VEPH1: variants seen among roughly 807,000 people sequenced by gnomAD.
The protein encoded by VEPH1 is ventricular zone-expressed PH domain-containing protein homolog 1.
VEPH1 carries 80 observed loss-of-function variants against 85.2 expected under a neutral mutation model. The ratio of observed to expected loss-of-function variants is 0.94; its 90% CI spans 0.78 to 1.13. The LOEUF is 1.13. VEPH1 is among the 50% of genes most tolerant of loss of function. VEPH1 has a pLI of 0.00. For synonymous variants in VEPH1, 297 were observed against 348.0 expected (o/e 0.85, Z 1.63); for missense variants, 955 against 980.5 (o/e 0.97, Z 0.35).
At chr3:157,355,961 G>A (rs1470397614) in intron 9 of VEPH1, among the ~76,000 whole-genome samples, 3 of 149,906 alleles carry the variant, frequency 2.0e-5, no homozygotes, top group South Asian at 4.2e-4. Context: ...GGGCAGTGGT[G>A]CAGTCACCGC....
intron 2 of VEPH1, among the ~76,000 whole-genome samples, chr3:157,479,897 T>A (rs1737854951): frequency 6.6e-6 from 1 of 152,356 alleles, no homozygotes; most frequent in South Asian, 2.1e-4. Flanking sequence ...GCTATTATTT[T>A]TATTTCCCTT....
At chr3:157,292,484 G>A (rs1034250890) in intron 11 of VEPH1, among the ~76,000 whole-genome samples, 5 of 152,028 alleles carry the variant, frequency 3.3e-5, no homozygotes, top group Admixed American at 1.3e-4. Context: ...TTGAGGTCAG[G>A]AGTTGGAGAC....
rs951958879 is a variant in VEPH1 at position 157,373,993 on chromosome 3, C to T, written c.1127+7163G>A. ...ATAACAATGTCTCCTACCTACATCT[C>T]GTGCTGATAGATGAATTCCTGAAAT... is the stretch of plus-strand genomic sequence containing the variant. On this transcript the variant is annotated intron_variant, in intron 7 of 13. Transcript: ENST00000362010. Among the ~76,000 whole-genome samples, 4 of 152,150 alleles carry T rather than the reference C, an allele frequency of 2.6e-5. 1 individual carries two copies. The South Asian group carries it at 8.3e-4, about 32-fold the overall frequency.
chr3:157,338,640 A>T lies in VEPH1; in HGVS notation c.1736-21439T>A, dbSNP rs144628325. On this transcript the variant is annotated intron_variant, in intron 9 of 13. Transcript: ENST00000362010. ...TCTTTTTCAATGCTGAGATTCAGAT[A>T]TCATTTATTTGTGGCAGTCTCTGTG... Among the ~76,000 whole-genome samples the T allele has an allele frequency of 9.8e-5, 15 of 152,324 alleles. No individual in the cohort carries two copies. The East Asian group carries it at 2.9e-3, about 29-fold the overall frequency.
intron 9 of VEPH1, among the ~76,000 whole-genome samples, chr3:157,344,374 T>C (rs1320673115): frequency 2.0e-5 from 3 of 152,324 alleles, no homozygotes; most frequent in Admixed American, 6.5e-5. Flanking sequence ...AGCATTCTTA[T>C]ACACCAATAA....
chr3:157,493,089 G>A (rs1739360748), intron 2 of VEPH1: 1 of 354,208 alleles, frequency 2.8e-6, no homozygotes. Flanking sequence ...CTCATGAGTA[G>A]GGAACCTTGA....
At position 157,278,205 on chromosome 3, in the gene VEPH1, A is replaced by G. The variant is rs531974246; in HGVS notation, c.2128+8352T>C. Among the ~76,000 whole-genome samples the G allele has an allele frequency of 2.6e-4, 40 of 152,334 alleles. No individual in the cohort carries two copies. The South Asian group carries it at 7.0e-3, about 27-fold the overall frequency. On this transcript the variant is annotated intron_variant, in intron 12 of 13. Coordinates refer to ENST00000362010, the MANE Select transcript of VEPH1 (RefSeq NM_001167912.2). ...TTTGGGGTGCTTTGAGGACCTCAGT[A>G]TGCATCGGGGGGTTACAAAAGGCTT...
Position 157,428,456 on chromosome 3 carries a change from C to T in VEPH1, c.562G>A (p.Val188Met). 6.2e-7 allele frequency: 1 copy of T among 1,613,994 alleles called. No individual in the cohort carries two copies. Among genetic ancestry groups the T allele is most frequent in the Non-Finnish European group, 8.5e-7 (1 of 1,179,992 alleles). ...ATTGGCTGAGGCTGCTTTTCATACA[C>T]AGCAGGTAACACTCTCAACAACATG... is the stretch of plus-strand genomic sequence containing the variant. ...NTMLLRVLPA[V>M]YEKQPQPINR... The change falls in exon 5 of 14, where the codon GTG (valine) becomes ATG (methionine). Residue 188 changes from valine to methionine, a missense_variant. Coordinates refer to ENST00000362010, the MANE Select transcript of VEPH1 (RefSeq NM_001167912.2).
intron 2 of VEPH1, chr3:157,493,175 T>G: frequency 2.3e-6 from 1 of 441,878 alleles, no homozygotes; most frequent in Non-Finnish European, 4.5e-6. Flanking sequence ...GGTAAAAATA[T>G]TAGAAACCCA....
intron 4 of VEPH1, among the ~76,000 whole-genome samples, chr3:157,445,871 G>A (rs781735755): frequency 2.0e-5 from 3 of 151,914 alleles, no homozygotes; most frequent in Non-Finnish European, 4.4e-5. Context: ...ACCTAAACTT[G>A]GAAAATGCAT....
chr3:157,445,086 C>T (rs1734438479), intron 4 of VEPH1, among the ~76,000 whole-genome samples: 1 of 152,166 alleles, frequency 6.6e-6, no homozygotes, highest in Non-Finnish European at 1.5e-5. Flanking sequence ...TTCTTTTCCT[C>T]CTTCTGTCTG....
At chr3:157,392,520 G>A (rs1211825577) in intron 6 of VEPH1, among the ~76,000 whole-genome samples, 1 of 152,096 alleles carries the variant, frequency 6.6e-6, no homozygotes, top group African/African-American at 2.4e-5. Context: ...TCTACATCAG[G>A]GGTGTACAAT....
In VEPH1 at chr3:157,333,937, T is replaced by C. The variant is rs538617565; in HGVS notation, c.1736-16736A>G. The stretch of plus-strand genomic sequence containing the variant: ...CATTGCTCTCTCTGGTTGGCAGTTC[T>C]GAACTAAGACCTTCTGGGCTGGCCA... On this transcript the variant is annotated intron_variant, in intron 9 of 13. Coordinates refer to ENST00000362010, the MANE Select transcript of VEPH1 (RefSeq NM_001167912.2). Among the ~76,000 whole-genome samples, 7 of 152,320 alleles carry C rather than the reference T, an allele frequency of 4.6e-5. No individual in the cohort carries two copies. In the South Asian group the frequency reaches 1.5e-3, roughly 32 times the overall value.
intron 11 of VEPH1, 37 bp downstream of exon 11, chr3:157,313,584 C>T (rs1344505404): frequency 1.2e-6 from 2 of 1,604,682 alleles, no homozygotes; most frequent in Non-Finnish European, 1.7e-6. Context: ...AATCTTAAAT[C>T]TTGGCCTGTA....
intron 2 of VEPH1, among the ~76,000 whole-genome samples, chr3:157,492,861 T>G (rs1287013684): frequency 2.0e-5 from 3 of 152,026 alleles, no homozygotes; most frequent in Non-Finnish European, 2.9e-5. Context: ...AAGGAGAAAG[T>G]GAAGTACCAG....
chr3:157,393,159 C>G (rs994499702), intron 6 of VEPH1, among the ~76,000 whole-genome samples: 1 of 152,014 alleles, frequency 6.6e-6, no homozygotes, highest in African/African-American at 2.4e-5. Context: ...GTTTATGGGA[C>G]CAATTCAAAT....
chr3:157,278,319 A>G (rs1223291297), intron 12 of VEPH1, among the ~76,000 whole-genome samples: 1 of 152,244 alleles, frequency 6.6e-6, no homozygotes, highest in Non-Finnish European at 1.5e-5. Flanking sequence ...AATTCTTGGT[A>G]GAAGAAAAAG....
chr3:157,420,539 T>A (rs934128294), intron 5 of VEPH1, among the ~76,000 whole-genome samples: 9 of 152,090 alleles, frequency 5.9e-5, no homozygotes, highest in African/African-American at 4.8e-5. Context: ...TACTGAAAAA[T>A]ATTATATATT....
At chr3:157,467,204 A>C (rs1324748600) in intron 3 of VEPH1, among the ~76,000 whole-genome samples, 1 of 151,768 alleles carries the variant, frequency 6.6e-6, no homozygotes, top group Non-Finnish European at 1.5e-5. Flanking sequence ...AAATCAAATG[A>C]AATGGCCAAG....
Sources: gnomAD v4.1 joint callset for allele counts (sites outside exome capture counted in the v4.1 genomes callset) on GRCh38, gnomAD v4.1.1 for gene constraint, MANE v1.5 for transcripts, NCBI Gene and HGNC (gene_info 2026-07-23, HGNC 2026-07-21) for gene names.